MAP3K20: variants seen among roughly 807,000 people sequenced by gnomAD.
MAP3K20 encodes the protein HCCS-4.
A neutral mutation model predicts 85.7 loss-of-function variants in MAP3K20; 40 were observed. The observed-to-expected ratio is 0.47, with a 90% CI of 0.36 to 0.61. The LOEUF is 0.61. Among genes scored for constraint, MAP3K20 ranks in the 20% least tolerant of loss-of-function variants. The probability of loss-of-function intolerance (pLI) is 0.00; values close to 1 mark genes in which losing one functional copy is unlikely to be tolerated. For synonymous variants in MAP3K20, 325 were observed against 327.7 expected (o/e 0.99, Z 0.09); for missense variants, 817 against 961.7 (o/e 0.85, Z 1.99).
chr2:173,159,453 G>A (rs771404090), intron 2 of MAP3K20, among the ~76,000 whole-genome samples: 4 of 143,960 alleles, frequency 2.8e-5, no homozygotes, highest in Admixed American at 7.4e-5. Flanking sequence ...GCAGTGGCAC[G>A]GTCTCAGCTC....
rs750057168 is a variant in MAP3K20, at chr2:173,128,315, A to ATTTG, written c.159+37128_159+37129insGTTT. On this transcript the variant is annotated intron_variant, in intron 2 of 19. Transcript: ENST00000375213. ...ATATGGAAAACATTATAGTTGACTT[A>ATTTG]TTTATTTATTTATTTATTTATTTAT... Among the ~76,000 whole-genome samples, 318 of 74,152 alleles carry ATTTG rather than the reference A, an allele frequency of 4.3e-3. 1 individual carries two copies. The highest frequency in any genetic ancestry group is 9.6e-3 in the Non-Finnish European group (254 of 26,540). 48.6% of individuals were successfully genotyped at this position (74,152 alleles called of 152,430 possible).
chr2:173,175,176 T>C (rs757391519), intron 3 of MAP3K20, among the ~76,000 whole-genome samples: 6 of 152,238 alleles, frequency 3.9e-5, no homozygotes, highest in Admixed American at 6.5e-5. Flanking sequence ...CTCAGACTTA[T>C]ATATTTTTCC....
intron 2 of MAP3K20, among the ~76,000 whole-genome samples, chr2:173,118,192 C>T (rs185281808): frequency 7.9e-5 from 12 of 152,266 alleles, no homozygotes; most frequent in Non-Finnish European, 1.5e-4. Flanking sequence ...CCTCCAATCA[C>T]GTTAGGTTAT....
Position 173,129,648 on chromosome 2 carries a change from CT to C in MAP3K20, c.159+38460del, listed in dbSNP as rs1312986025. 2.6e-5 allele frequency among the ~76,000 whole-genome samples: 4 copies of C among 152,248 alleles called. No individual in the cohort carries two copies. In the East Asian group the frequency reaches 7.7e-4, roughly 29 times the overall value. On this transcript the variant is annotated intron_variant, in intron 2 of 19. Coordinates refer to ENST00000375213, the MANE Select transcript of MAP3K20 (RefSeq NM_016653.3). ...TGAGTCCTGGTCTGACTAGATAGGT[CT>C]TGTGTTTGTAACTGTTGCATTTGTG...
intron 2 of MAP3K20, among the ~76,000 whole-genome samples, chr2:173,151,263 AT>A (rs1375358088): frequency 6.6e-6 from 1 of 152,228 alleles, no homozygotes; most frequent in East Asian, 1.9e-4. Flanking sequence ...TCCTGGCTAC[AT>A]ATTAGACTCA....
intron 2 of MAP3K20, among the ~76,000 whole-genome samples, chr2:173,157,613 C>A (rs1689516726): frequency 6.6e-6 from 1 of 152,162 alleles, no homozygotes; most frequent in South Asian, 2.1e-4. Context: ...CTCTGTTTCA[C>A]TGGAGAGTAA....
intron 2 of MAP3K20, among the ~76,000 whole-genome samples, chr2:173,117,827 A>G (rs1688168322): frequency 6.6e-6 from 1 of 152,212 alleles, no homozygotes; most frequent in Non-Finnish European, 1.5e-5. Context: ...AGTTATATAT[A>G]GGCCTTCCCT....
chr2:173,179,148 C>G (rs1456987885), intron 3 of MAP3K20, among the ~76,000 whole-genome samples: 1 of 152,160 alleles, frequency 6.6e-6, no homozygotes, highest in Non-Finnish European at 1.5e-5. Context: ...AATCCCAGCA[C>G]TTTGGGAGGC....
chr2:173,239,833 A>G (rs1310387521), intron 16 of MAP3K20, among the ~76,000 whole-genome samples: 3 of 152,232 alleles, frequency 2.0e-5, no homozygotes, highest in Non-Finnish European at 4.4e-5. Context: ...AAGAGAAAGC[A>G]GCTTTATAAT....
intron 10 of MAP3K20, among the ~76,000 whole-genome samples, chr2:173,213,883 T>C (rs187996849): frequency 1.6e-3 from 247 of 152,350 alleles, no homozygotes; most frequent in African/African-American, 5.4e-3. Flanking sequence ...TATGTTTTTA[T>C]CAGATAATCT....
intron 2 of MAP3K20, among the ~76,000 whole-genome samples, chr2:173,164,929 A>G (rs1203728605): frequency 1.3e-5 from 2 of 152,184 alleles, no homozygotes; most frequent in African/African-American, 4.8e-5. Flanking sequence ...AGGTTAATCA[A>G]CAAACTAAAA....
intron 10 of MAP3K20, 146 bp from the exon 11 acceptor site, chr2:173,216,969 A>G (rs1446263635): frequency 3.9e-6 from 3 of 773,594 alleles, no homozygotes; most frequent in Non-Finnish European, 5.5e-6. Flanking sequence ...TAAGGACATG[A>G]AAGATTCCTT....
chr2:173,193,657 T>C (rs976230457), intron 7 of MAP3K20, among the ~76,000 whole-genome samples: 1 of 152,194 alleles, frequency 6.6e-6, no homozygotes, highest in African/African-American at 2.4e-5. Flanking sequence ...TAAAATCTCT[T>C]CATACATTCC....
intron 16 of MAP3K20, among the ~76,000 whole-genome samples, chr2:173,252,511 T>C (rs1304903485): frequency 1.3e-5 from 2 of 152,240 alleles, no homozygotes; most frequent in African/African-American, 4.8e-5. Flanking sequence ...TTTTCATTCA[T>C]GTCAAACACA....
chr2:173,217,289 C>T, intron 11 of MAP3K20, 39 bp downstream of exon 11: 2 of 1,480,324 alleles, frequency 1.4e-6, no homozygotes, highest in South Asian at 1.5e-5. Context: ...CCACATGCGG[C>T]TCTAGGCTGC....
At chr2:173,219,744 CA>C (rs1262674491) in intron 11 of MAP3K20, among the ~76,000 whole-genome samples, 1 of 152,096 alleles carries the variant, frequency 6.6e-6, no homozygotes, top group Non-Finnish European at 1.5e-5. Context: ...AGCTACTTTT[CA>C]AAAACTCAGC....
At position 173,098,434 on chromosome 2, in the gene MAP3K20, A is replaced by C. The variant is rs939251580; in HGVS notation, c.159+7244A>C. 3.3e-5 allele frequency among the ~76,000 whole-genome samples: 5 copies of C among 152,314 alleles called. No individual in the cohort carries two copies. In the East Asian group the frequency reaches 9.6e-4, roughly 29 times the overall value. On this transcript the variant is annotated intron_variant, in intron 2 of 19. Transcript: ENST00000375213. ...ACCTCATGTAACAGGTCGCAGTCTA[A>C]ACTTTGTTTCATGCCCAGCATTATT...
intron 3 of MAP3K20, among the ~76,000 whole-genome samples, chr2:173,181,497 C>A (rs549544085): frequency 2.6e-4 from 40 of 152,130 alleles, no homozygotes; most frequent in Admixed American, 4.6e-4. Context: ...AAAAGTTAGA[C>A]ATAAACTTAC....
intron 16 of MAP3K20, among the ~76,000 whole-genome samples, chr2:173,242,225 G>T (rs1164828975): frequency 1.3e-5 from 2 of 151,650 alleles, no homozygotes; most frequent in Non-Finnish European, 2.9e-5. Flanking sequence ...GCCCAGGATG[G>T]AGTACAATGG....
Sources: allele counts gnomAD v4.1 joint callset (sites outside exome capture counted in the v4.1 genomes callset), GRCh38; gene constraint gnomAD v4.1.1; transcripts MANE v1.5; gene names NCBI Gene and HGNC (gene_info 2026-07-23, HGNC 2026-07-21).